The following DOCK1 variants were observed in gnomAD, a reference collection of about 807,000 sequenced individuals.
The protein encoded by DOCK1 is dedicator of cytokinesis protein 1.
A neutral mutation model predicts 262.7 loss-of-function variants in DOCK1; 138 were observed. The ratio of observed to expected loss-of-function variants is 0.53; its 90% CI spans 0.46 to 0.61. The LOEUF is 0.61. Ranked by LOEUF, DOCK1 falls within the 20% of genes least tolerant of loss-of-function variation. The probability of loss-of-function intolerance (pLI) is 0.00; values close to 1 mark genes in which losing one functional copy is unlikely to be tolerated. For missense variants in DOCK1, 1,908 were observed against 2,370.7 expected (o/e 0.80, Z 4.05); for synonymous variants, 866 against 867.4 (o/e 1.00, Z 0.03).
At chr10:127,397,589 G>T (rs2066971697) in intron 38 of DOCK1, among the ~76,000 whole-genome samples, 1 of 151,776 alleles carries the variant, frequency 6.6e-6, no homozygotes, top group African/African-American at 2.4e-5. Context: ...TGTGATCTGA[G>T]CATGAGTTAC....
At chr10:127,297,085 G>A (rs1014195099) in intron 29 of DOCK1, among the ~76,000 whole-genome samples, 1 of 152,208 alleles carries the variant, frequency 6.6e-6, no homozygotes, top group African/African-American at 2.4e-5. Flanking sequence ...GAGGAGGGGT[G>A]GGAGTGAGGG....
intron 1 of DOCK1, among the ~76,000 whole-genome samples, chr10:126,907,988 T>G (rs2031178746): frequency 6.6e-6 from 1 of 152,150 alleles, no homozygotes; most frequent in African/African-American, 2.4e-5. Flanking sequence ...AGGAAAGATG[T>G]GAAGGGCTGA....
At chr10:127,045,103 C>T (rs1358354215) in intron 21 of DOCK1, among the ~76,000 whole-genome samples, 6 of 147,568 alleles carry the variant, frequency 4.1e-5, no homozygotes, top group Admixed American at 3.5e-4. Context: ...GAGGCTGAGG[C>T]AGGAGAATCA....
intron 27 of DOCK1, among the ~76,000 whole-genome samples, chr10:127,186,117 A>G (rs534809570): frequency 6.6e-6 from 1 of 152,314 alleles, no homozygotes; most frequent in South Asian, 2.1e-4. Context: ...ACTGGCTTTC[A>G]GAGGGAAAAA....
rs1344493787 is a variant in DOCK1, at chr10:126,981,988, G to A, written c.227+15G>A. 4.3e-6 allele frequency: 7 copies of A among 1,612,046 alleles called. No individual in the cohort carries two copies. The African/African-American group carries it at 8.0e-5, about 18-fold the overall frequency. ...GAAGGAAAAGGGTGAGTCTGGTCTT[G>A]ATGTTTAAATGAAGAATTGCAAGTA... On this transcript the variant is annotated intron_variant, in intron 4 of 51. Transcript: ENST00000623213.
chr10:127,060,754 G>A (rs951566418), intron 22 of DOCK1, among the ~76,000 whole-genome samples: 1 of 152,136 alleles, frequency 6.6e-6, no homozygotes, highest in African/African-American at 2.4e-5. Flanking sequence ...TATTGAATAT[G>A]TCCCACCTCT....
rs1468453242 is a variant in DOCK1 at position 126,999,362 on chromosome 10, A to G, written c.776A>G (p.Tyr259Cys). Residue 259 changes from tyrosine to cysteine, a missense_variant, in exon 9 of 52, where the codon TAC (tyrosine) becomes TGC (cysteine). Tyr to Cys is a radical substitution (Grantham distance 194). Transcript: ENST00000623213. The part of the protein sequence containing the change: ...PVESKFISEN[Y>C]LVRWSSSGLP... ...TTTCTCCATTTTTCAAGTGAGAACT[A>G]CCTGGTTCGCTGGTCCAGTTCAGGA... 1 of 1,613,226 alleles carries G rather than the reference A, an allele frequency of 6.2e-7. No individual in the cohort carries two copies. The highest frequency in any genetic ancestry group is 2.2e-5 in the East Asian group (1 of 44,880).
At chr10:127,061,453 A>G (rs1232035293) in intron 22 of DOCK1, among the ~76,000 whole-genome samples, 1 of 152,206 alleles carries the variant, frequency 6.6e-6, no homozygotes, top group African/African-American at 2.4e-5. Flanking sequence ...GGTAGCATTA[A>G]GGGTCAGCCT....
At chr10:127,205,257 T>C (rs777438928) in intron 27 of DOCK1, among the ~76,000 whole-genome samples, 1 of 152,188 alleles carries the variant, frequency 6.6e-6, no homozygotes, top group Non-Finnish European at 1.5e-5. Flanking sequence ...TTATTGGCTC[T>C]TTCCTTTTTG....
intron 49 of DOCK1, among the ~76,000 whole-genome samples, chr10:127,441,400 C>G (rs566728094): frequency 5.0e-4 from 76 of 152,326 alleles, no homozygotes; most frequent in African/African-American, 1.8e-3. Context: ...TTCTCAGCAT[C>G]TGGCCCAGTG....
chr10:127,351,076 G>C lies in DOCK1; in HGVS notation c.3225-3593G>C, dbSNP rs528959023. Among the ~76,000 whole-genome samples the C allele has an allele frequency of 9.2e-5, 14 of 152,252 alleles. No homozygotes were observed. The South Asian group carries it at 2.9e-3, about 32-fold the overall frequency. On this transcript the variant is annotated intron_variant, in intron 31 of 51. Transcript: ENST00000623213. Reference sequence around the variant, plus strand: ...CCCCAAGCCTGAGCTATCACTCGGGGGTATGTTTCTTGGAGTGAAGGTGCA... The same window carrying C: ...CCCCAAGCCTGAGCTATCACTCGGGCGTATGTTTCTTGGAGTGAAGGTGCA...
chr10:127,371,669 T>TTTAATTTAATCAAATTAAA (rs1462684222), intron 33 of DOCK1, among the ~76,000 whole-genome samples: 4 of 152,346 alleles, frequency 2.6e-5, no homozygotes, highest in African/African-American at 9.6e-5. Flanking sequence ...TTTGATTAAA[T>TTTAATTTAATCAAATTAAA]TTAATTTAAT....
Position 127,012,983 on chromosome 10 carries a change from C to T in DOCK1, c.1201+609C>T, listed in dbSNP as rs1011608565. Among the ~76,000 whole-genome samples, 1 of 152,186 alleles carries T rather than the reference C, an allele frequency of 6.6e-6. No homozygotes were observed. The highest frequency in any genetic ancestry group is 2.4e-5 in the African/African-American group (1 of 41,442). The stretch of plus-strand genomic sequence containing the variant: ...GGGGAAGTCACCTTCAGAACTTGAC[C>T]GTCTCACTCCCTGATCCATGCAGAC... On this transcript the variant is annotated intron_variant, in intron 12 of 51. Coordinates refer to ENST00000623213, the MANE Select transcript of DOCK1 (RefSeq NM_001290223.2). The surrounding 1 kb of genome is among the most constrained non-coding windows in gnomAD (Gnocchi z 4.0).
intron 27 of DOCK1, among the ~76,000 whole-genome samples, chr10:127,155,183 C>T (rs998710984): frequency 6.6e-6 from 1 of 152,082 alleles, no homozygotes; most frequent in African/African-American, 2.4e-5. Context: ...ACTTTTTATC[C>T]CCTTTGCTGT....
intron 27 of DOCK1, among the ~76,000 whole-genome samples, chr10:127,206,756 T>G (rs2057742714): frequency 6.6e-6 from 1 of 152,212 alleles, no homozygotes; most frequent in Non-Finnish European, 1.5e-5. Context: ...GACAACATTA[T>G]GAACTATGAA....
intron 27 of DOCK1, among the ~76,000 whole-genome samples, chr10:127,190,291 G>T (rs557752218): frequency 2.7e-4 from 41 of 152,302 alleles, no homozygotes; most frequent in African/African-American, 9.9e-4. Context: ...CGTCAGTACT[G>T]TTCAGCCCTG....
At chr10:127,291,351 A>C (rs1465148943) in intron 29 of DOCK1, among the ~76,000 whole-genome samples, 2 of 152,210 alleles carry the variant, frequency 1.3e-5, no homozygotes, top group Non-Finnish European at 2.9e-5. Context: ...GAATATGGCC[A>C]CTTGGCATTC....
At chr10:127,436,276 G>A (rs2069676755) in intron 48 of DOCK1, among the ~76,000 whole-genome samples, 1 of 152,108 alleles carries the variant, frequency 6.6e-6, no homozygotes, top group Non-Finnish European at 1.5e-5. Context: ...CAGCACTTTG[G>A]GAGGCTGAGG....
At chr10:127,357,629 T>C (rs2064208867) in intron 32 of DOCK1, among the ~76,000 whole-genome samples, 1 of 152,222 alleles carries the variant, frequency 6.6e-6, no homozygotes, top group African/African-American at 2.4e-5. Context: ...GTGTGTGTTT[T>C]GCAGCTTTTT....
Sources: allele counts gnomAD v4.1 joint callset (sites outside exome capture counted in the v4.1 genomes callset), GRCh38; gene constraint gnomAD v4.1.1; non-coding constraint Gnocchi (gnomAD v3.1); transcripts MANE v1.5; gene names NCBI Gene and HGNC (gene_info 2026-07-23, HGNC 2026-07-21).